The following THSD7B variants were observed in gnomAD, a reference collection of about 807,000 sequenced individuals.
THSD7B encodes the protein thrombospondin type 1 domain containing 7B.
In THSD7B, 138 loss-of-function variants were observed where a neutral mutation model predicts 213.6. That is an observed-to-expected ratio of 0.65 (90% confidence interval 0.56 to 0.74). The LOEUF is 0.74. THSD7B is among the 30% of genes least tolerant of loss of function. The pLI, the probability that THSD7B is intolerant of heterozygous loss-of-function variation, is 0.00. For synonymous variants in THSD7B, 742 were observed against 687.0 expected (o/e 1.08, Z -1.25); for missense variants, 1,931 against 1,991.5 (o/e 0.97, Z 0.58).
chr2:137,639,545 A>G (rs565679167), intron 20 of THSD7B, among the ~76,000 whole-genome samples: 13 of 152,222 alleles, frequency 8.5e-5, no homozygotes, highest in African/African-American at 3.1e-4. Flanking sequence ...ATTGTTCTAC[A>G]TCCTCGTGAA....
chr2:137,611,245 C>T (rs1682284443), intron 17 of THSD7B, among the ~76,000 whole-genome samples: 1 of 151,456 alleles, frequency 6.6e-6, no homozygotes, highest in Non-Finnish European at 1.5e-5. Flanking sequence ...CATTGTTTAC[C>T]TATTGATGTT....
intron 2 of THSD7B, among the ~76,000 whole-genome samples, chr2:137,041,149 T>C (rs1230200252): frequency 1.3e-5 from 2 of 152,224 alleles, no homozygotes; most frequent in African/African-American, 4.8e-5. Context: ...GGAATATTGT[T>C]GTGTGTTTAA....
chr2:136,973,040 T>C (rs965163174), intron 2 of THSD7B, among the ~76,000 whole-genome samples: 4 of 152,332 alleles, frequency 2.6e-5, no homozygotes, highest in African/African-American at 9.6e-5. Flanking sequence ...GTATCATTTC[T>C]CATACTCATT....
At chr2:137,605,861 G>A (rs373913790) in intron 17 of THSD7B, among the ~76,000 whole-genome samples, 5 of 151,994 alleles carry the variant, frequency 3.3e-5, no homozygotes, top group East Asian at 3.9e-4. Flanking sequence ...AGTAGAGACG[G>A]GGTTTCACCG....
chr2:137,389,193 C>CATATATATATATATATATAT lies in THSD7B; in HGVS notation c.2501-16415_2501-16396dup, dbSNP rs59969102. ...ATCACCAGTCTCACCATATATCTGT[C>CATATATATATATATATATAT]ATATATATATATATATATATATATG... On this transcript the variant is annotated intron_variant, in intron 12 of 27. Coordinates refer to ENST00000409968, the MANE Select transcript of THSD7B (RefSeq NM_001316349.2). Among the ~76,000 whole-genome samples, 417 of 127,196 alleles carry CATATATATATATATATATAT rather than the reference C, an allele frequency of 3.3e-3. 5 individuals carry two copies. Among genetic ancestry groups the CATATATATATATATATATAT allele is most frequent in the African/African-American group, 0.012 (371 of 32,256 alleles). The allele number at this position is 127,196 out of a possible 152,430, so 83.4% of individuals were successfully genotyped here.
intron 14 of THSD7B, among the ~76,000 whole-genome samples, chr2:137,436,210 CTTGT>C (rs1388250948): frequency 6.6e-6 from 1 of 151,960 alleles, no homozygotes; most frequent in Non-Finnish European, 1.5e-5. Context: ...ACATATTCAT[CTTGT>C]TTATTTCTGA....
intron 5 of THSD7B, among the ~76,000 whole-genome samples, chr2:137,158,752 T>A (rs922385411): frequency 6.6e-6 from 1 of 152,152 alleles, no homozygotes; most frequent in African/African-American, 2.4e-5. Flanking sequence ...CAGATTTGAC[T>A]CTTACACGTG....
chr2:137,048,918 T>C (rs1271601574), intron 2 of THSD7B, among the ~76,000 whole-genome samples: 2 of 152,232 alleles, frequency 1.3e-5, no homozygotes, highest in Non-Finnish European at 2.9e-5. Context: ...AAGGAGAAAG[T>C]CCTTCAGGAG....
chr2:136,841,672 T>G (rs1682923836), intron 1 of THSD7B, among the ~76,000 whole-genome samples: 1 of 151,878 alleles, frequency 6.6e-6, no homozygotes, highest in Non-Finnish European at 1.5e-5. Context: ...AAATTATTGT[T>G]CAGCGTATTA....
At chr2:137,671,988 T>C (rs1683588572) in intron 27 of THSD7B, among the ~76,000 whole-genome samples, 1 of 152,160 alleles carries the variant, frequency 6.6e-6, no homozygotes, top group African/African-American at 2.4e-5. Flanking sequence ...AATATTGTAG[T>C]TATTTATATA....
intron 1 of THSD7B, among the ~76,000 whole-genome samples, chr2:136,830,660 A>C (rs1558819295): frequency 6.6e-6 from 1 of 152,030 alleles, no homozygotes; most frequent in Non-Finnish European, 1.5e-5. Context: ...ATTTTATCTT[A>C]GTTTCTAAAA....
chr2:137,148,987 C>T (rs950412804), intron 5 of THSD7B, among the ~76,000 whole-genome samples: 1 of 152,170 alleles, frequency 6.6e-6, no homozygotes. Flanking sequence ...GTGGCAGCCC[C>T]TCCCATCACA....
At chr2:136,947,726 A>G (rs959997959) in intron 2 of THSD7B, among the ~76,000 whole-genome samples, 6 of 152,218 alleles carry the variant, frequency 3.9e-5, no homozygotes, top group Non-Finnish European at 7.3e-5. Flanking sequence ...TAAAGTAGGT[A>G]TCAGATTAAT....
chr2:137,151,040 A>G (rs1470279900), intron 5 of THSD7B, among the ~76,000 whole-genome samples: 1 of 152,152 alleles, frequency 6.6e-6, no homozygotes, highest in Non-Finnish European at 1.5e-5. Context: ...GTCCTGAGTG[A>G]GTATGAAGGC....
intron 12 of THSD7B, among the ~76,000 whole-genome samples, chr2:137,388,027 C>A (rs1012445476): frequency 2.6e-5 from 4 of 152,160 alleles, no homozygotes; most frequent in African/African-American, 9.7e-5. Context: ...AGACTGCTAA[C>A]CTCAACATTA....
At chr2:136,998,935 C>CACAG in intron 2 of THSD7B, among the ~76,000 whole-genome samples, 1 of 151,606 alleles carries the variant, frequency 6.6e-6, no homozygotes, top group Non-Finnish European at 1.5e-5. Flanking sequence ...CACACACACA[C>CACAG]ACACACACAC....
In THSD7B at chr2:137,004,296, TACACACACACACACACACACACAC is replaced by T. The variant is rs34674642; in HGVS notation, c.140-52096_140-52073del. ...CCGTGACCCAGTGTGTGTGCACACGTACACACACACACACACACACACACACACACACACACACACACACACACA... is the reference window on the plus strand; with the variant it reads ...CCGTGACCCAGTGTGTGTGCACACGTACACACACACACACACACACACACA... On this transcript the variant is annotated intron_variant, in intron 2 of 27. Transcript: ENST00000409968. 1.6e-4 allele frequency among the ~76,000 whole-genome samples: 21 copies of T among 131,584 alleles called. No individual in the cohort carries two copies. In the South Asian group the frequency reaches 2.0e-3, roughly 13 times the overall value. 86.3% of individuals were successfully genotyped at this position (131,584 alleles called of 152,430 possible).
intron 15 of THSD7B, chr2:137,512,327 C>T (rs1202370149): frequency 6.8e-6 from 1 of 146,918 alleles, no homozygotes; most frequent in African/African-American, 2.5e-5. Context: ...TTCATGGTAT[C>T]AGAATATATG....
At chr2:137,166,169 A>G (rs1680124320) in intron 6 of THSD7B, among the ~76,000 whole-genome samples, 1 of 152,150 alleles carries the variant, frequency 6.6e-6, no homozygotes, top group African/African-American at 2.4e-5. Context: ...GCGTCATGAC[A>G]GGCAGACAAG....
Sources: allele counts gnomAD v4.1 joint callset (sites outside exome capture counted in the v4.1 genomes callset), GRCh38; gene constraint gnomAD v4.1.1; transcripts MANE v1.5; gene names NCBI Gene and HGNC (gene_info 2026-07-23, HGNC 2026-07-21).